The following PCDHA1 variants were observed in gnomAD, a reference collection of about 807,000 sequenced individuals.
PCDHA1 encodes the protein protocadherin alpha 1.
Under a neutral mutation model 61.3 loss-of-function variants are expected in PCDHA1, and 42 were observed. The observed-to-expected ratio is 0.69, with a 90% CI of 0.54 to 0.89. The LOEUF (loss-of-function observed/expected upper bound fraction) is 0.89, where lower values mean the gene tolerates loss of function less well. Among genes scored for constraint, PCDHA1 ranks in the 40% least tolerant of loss-of-function variants. The probability of loss-of-function intolerance (pLI) is 0.00; values close to 1 mark genes in which losing one functional copy is unlikely to be tolerated. For missense variants in PCDHA1, 1,256 were observed against 1,235.3 expected, an observed-to-expected ratio of 1.02 and a Z score of -0.25; for synonymous variants, 610 against 553.8, an observed-to-expected ratio of 1.10 and a Z score of -1.43.
At chr5:140,808,232 G>T (rs1554124466) in intron 1 of PCDHA1, 1 of 1,614,240 alleles carries the variant, frequency 6.2e-7, no homozygotes, top group Non-Finnish European at 8.5e-7. Flanking sequence ...TAATGTCCCA[G>T]ATTTGGAATT....
Position 140,786,475 on chromosome 5 carries a change from G to C in PCDHA1, c.185G>C (p.Arg62Pro). ...LGLELAELVP[R>P]LFRVASKTHR... ...CTGGAGCTGGCGGAGCTGGTGCCTC[G>C]CCTGTTCCGGGTGGCGTCCAAAACA... The change falls in exon 1 of 4, where the codon CGC becomes CCC. Residue 62 changes from arginine to proline, a missense_variant. By Grantham distance (103) the Arg-to-Pro change is moderately radical. Transcript: ENST00000504120. 6.2e-7 allele frequency: 1 copy of C among 1,613,688 alleles called. No homozygotes were observed. The highest frequency in any genetic ancestry group is 1.1e-5 in the South Asian group (1 of 91,050).
intron 1 of PCDHA1, among the ~76,000 whole-genome samples, chr5:140,971,388 C>A (rs1554233283): frequency 6.6e-6 from 1 of 152,132 alleles, no homozygotes; most frequent in Non-Finnish European, 1.5e-5. Flanking sequence ...TTAATAAAGG[C>A]AAATTTCTGC....
intron 1 of PCDHA1, among the ~76,000 whole-genome samples, chr5:140,789,381 G>A (rs904365426): frequency 3.3e-5 from 5 of 152,180 alleles, no homozygotes; most frequent in Non-Finnish European, 7.3e-5. Flanking sequence ...GAACCCGGGA[G>A]GCAGAGGTTG....
At chr5:140,822,175 A>G (rs1554128484) in intron 1 of PCDHA1, 1 of 1,614,258 alleles carries the variant, frequency 6.2e-7, no homozygotes, top group Admixed American at 1.7e-5. Flanking sequence ...CAGGTTCTCC[A>G]GACAAGAACA....
intron 1 of PCDHA1, chr5:140,822,382 G>C: frequency 6.2e-7 from 1 of 1,614,100 alleles, no homozygotes; most frequent in Non-Finnish European, 8.5e-7. Context: ...AGATAGAGAA[G>C]AAACACAAGA....
At chr5:140,815,129 AAAATC>A (rs1554126683) in intron 1 of PCDHA1, 1 of 152,170 alleles carries the variant, frequency 6.6e-6, no homozygotes, top group African/African-American at 2.4e-5. Flanking sequence ...GTCTTTAAAA[AAAATC>A]AATTCAACCA....
At chr5:140,922,190 T>C (rs1486044845) in intron 1 of PCDHA1, among the ~76,000 whole-genome samples, 2 of 152,154 alleles carry the variant, frequency 1.3e-5, no homozygotes, top group African/African-American at 4.8e-5. Flanking sequence ...AAAAAAGTCT[T>C]ATCTTTAATG....
intron 1 of PCDHA1, chr5:140,884,259 C>T (rs1554181391): frequency 1.9e-6 from 3 of 1,613,378 alleles, no homozygotes; most frequent in Admixed American, 1.7e-5. Flanking sequence ...GCCACGGCAA[C>T]GGTGCTGTTG....
In PCDHA1 at chr5:140,946,631, T is replaced by TATATATATATATATATATATAC. The variant is rs57893927; in HGVS notation, c.2395-32317_2395-32316insTATATATATATATATATATACA. 3.0e-3 allele frequency among the ~76,000 whole-genome samples: 389 copies of TATATATATATATATATATATAC among 131,774 alleles called. 27 individuals are homozygous for TATATATATATATATATATATAC. The highest frequency in any genetic ancestry group is 0.013 in the African/African-American group (369 of 28,648). 86.4% of individuals were successfully genotyped at this position (131,774 alleles called of 152,430 possible). A position where few individuals can be genotyped will look rare whatever the true frequency, so the allele number is the denominator to read the frequency against. ...TGTGAAATATATATATATATATATA[T>TATATATATATATATATATATAC]ACAATGGAATACTCATCAGCCATTA... On this transcript the variant is annotated intron_variant, in intron 1 of 3. Coordinates refer to ENST00000504120, the MANE Select transcript of PCDHA1 (RefSeq NM_018900.4).
chr5:140,836,804 T>C, intron 1 of PCDHA1: 1 of 1,321,042 alleles, frequency 7.6e-7, no homozygotes, highest in East Asian at 2.4e-5. Flanking sequence ...CTCCTTAAAT[T>C]TTCTTTCATA....
chr5:140,798,113 C>T (rs1282762956), intron 1 of PCDHA1, among the ~76,000 whole-genome samples: 1 of 152,098 alleles, frequency 6.6e-6, no homozygotes, highest in African/African-American at 2.4e-5. Context: ...CTCAAGTGAT[C>T]CACCCTCCTA....
chr5:140,946,611 A>AATATATATATAT lies in PCDHA1; in HGVS notation c.2395-32328_2395-32317dup, dbSNP rs1554217734. 3.4e-3 allele frequency among the ~76,000 whole-genome samples: 291 copies of AATATATATATAT among 86,770 alleles called. 7 individuals carry two copies. The highest frequency in any genetic ancestry group is 4.0e-3 in the Non-Finnish European group (186 of 46,640). 56.9% of individuals were successfully genotyped at this position (86,770 alleles called of 152,430 possible). A position where few individuals can be genotyped will look rare whatever the true frequency, so the allele number is the denominator to read the frequency against. On this transcript the variant is annotated intron_variant, in intron 1 of 3. Coordinates refer to ENST00000504120, the MANE Select transcript of PCDHA1 (RefSeq NM_018900.4). ...GGATGAATAGATAAAGAAAATGTGA[A>AATATATATATAT]ATATATATATATATATATATACAAT...
intron 1 of PCDHA1, chr5:140,870,894 T>C (rs2052511877): frequency 1.2e-6 from 2 of 1,613,938 alleles, no homozygotes; most frequent in East Asian, 2.2e-5. Flanking sequence ...GCGCAGTGGA[T>C]GCGGACTCAG....
intron 1 of PCDHA1, chr5:140,794,886 G>A: frequency 2.1e-6 from 3 of 1,426,462 alleles, no homozygotes; most frequent in Non-Finnish European, 1.9e-6. Context: ...AGAAGCAGCA[G>A]GACTTTAACA....
Position 140,892,963 on chromosome 5 carries a change from A to C in PCDHA1, c.2395-85986A>C, listed in dbSNP as rs138089244. Among the ~76,000 whole-genome samples, 29 of 152,284 alleles carry C rather than the reference A, an allele frequency of 1.9e-4. No individual in the cohort carries two copies. In the East Asian group the frequency reaches 5.6e-3, roughly 29 times the overall value. ...ACAATACTACTTCCATGAGCTCAAT[A>C]AAATTTTGTAGCTGCCGTATAAGTG... On this transcript the variant is annotated intron_variant, in intron 1 of 3. Transcript: ENST00000504120.
chr5:140,824,518 C>T (rs1191370190), intron 1 of PCDHA1: 1 of 218,004 alleles, frequency 4.6e-6, no homozygotes, highest in Non-Finnish European at 9.0e-6. Flanking sequence ...GTGATCTGAT[C>T]ATAGCTCACC....
intron 1 of PCDHA1, among the ~76,000 whole-genome samples, chr5:140,885,639 A>C (rs782628776): frequency 6.6e-6 from 1 of 152,184 alleles, no homozygotes; most frequent in Non-Finnish European, 1.5e-5. Flanking sequence ...TTGCCTTCCA[A>C]GTATTTTGGA....
intron 1 of PCDHA1, chr5:140,810,786 C>T (rs1372033546): frequency 7.2e-5 from 11 of 151,812 alleles, no homozygotes; most frequent in African/African-American, 2.7e-4. Flanking sequence ...TAGTTTTCAA[C>T]CTCATGGCTA....
chr5:140,987,523 T>C (rs942927324), intron 3 of PCDHA1, among the ~76,000 whole-genome samples: 1 of 152,174 alleles, frequency 6.6e-6, no homozygotes, highest in Non-Finnish European at 1.5e-5. Context: ...AGTAATTGTA[T>C]GTTCCTGGGA....
Sources: gnomAD v4.1 joint callset for allele counts (sites outside exome capture counted in the v4.1 genomes callset) on GRCh38, gnomAD v4.1.1 for gene constraint, MANE v1.5 for transcripts, NCBI Gene and HGNC (gene_info 2026-07-23, HGNC 2026-07-21) for gene names.